MSI2: variants seen among roughly 807,000 people sequenced by gnomAD.
MSI2 encodes the protein musashi RNA binding protein 2.
In MSI2, 17 loss-of-function variants were observed where a neutral mutation model predicts 45.6. The observed-to-expected ratio is 0.37, with a 90% CI of 0.26 to 0.56. The LOEUF (loss-of-function observed/expected upper bound fraction) is 0.56. Ranked by LOEUF, MSI2 falls within the 20% of genes least tolerant of loss-of-function variation. The probability of loss-of-function intolerance (pLI) is 0.77; values close to 1 mark genes in which losing one functional copy is unlikely to be tolerated. For missense variants in MSI2, 293 were observed against 444.2 expected (o/e 0.66, Z 3.06); for synonymous variants, 156 against 158.2 (o/e 0.99, Z 0.11).
At chr17:57,690,176 T>C in the MSI2 span, among the ~76,000 whole-genome samples, 13 of 151,086 alleles carry the variant, frequency 8.6e-5, no homozygotes, top group Admixed American at 1.3e-4. Flanking sequence ...TTAGTCATTC[T>C]AATGAATTTG....
rs375567025 is a variant in MSI2, at chr17:57,401,545, C to T, written c.405+74C>T. On this transcript the variant is annotated intron_variant, in intron 6 of 13. Coordinates refer to ENST00000284073, the MANE Select transcript of MSI2 (RefSeq NM_138962.4). ...AGTCCTAAGAAGAGGCTACCGTGGC[C>T]CCCGCCCCTGCTACAGCTGTGTCCT... 3.4e-6 allele frequency: 4 copies of T among 1,161,734 alleles called. No homozygotes were observed. The African/African-American group carries it at 4.6e-5, about 13-fold the overall frequency. 72.0% of individuals were successfully genotyped at this position (1,161,734 alleles called of 1,614,324 possible).
intron 6 of MSI2, among the ~76,000 whole-genome samples, chr17:57,429,779 AT>A (rs1355520695): frequency 2.6e-5 from 4 of 151,890 alleles, no homozygotes; most frequent in Non-Finnish European, 4.4e-5. Flanking sequence ...AAAAGGGAGA[AT>A]TTCCGGTCTC....
chr17:57,459,664 A>C (rs2085185306), intron 6 of MSI2, among the ~76,000 whole-genome samples: 1 of 152,166 alleles, frequency 6.6e-6, no homozygotes, highest in Non-Finnish European at 1.5e-5. Flanking sequence ...TCATGGCCTC[A>C]TGGTAAGGTA....
chr17:57,413,501 G>A (rs1244200327), intron 6 of MSI2, among the ~76,000 whole-genome samples: 1 of 151,848 alleles, frequency 6.6e-6, no homozygotes, highest in Non-Finnish European at 1.5e-5. Flanking sequence ...TTTCTTTCTC[G>A]AATAATTAAA....
At chr17:57,484,678 G>GCC in intron 6 of MSI2, among the ~76,000 whole-genome samples, 1 of 152,246 alleles carries the variant, frequency 6.6e-6, no homozygotes, top group East Asian at 1.9e-4. Flanking sequence ...TGAGTGCTTG[G>GCC]ACCCTCTGTG....
At chr17:57,412,961 T>C (rs962483617) in intron 6 of MSI2, among the ~76,000 whole-genome samples, 1 of 152,244 alleles carries the variant, frequency 6.6e-6, no homozygotes, top group African/African-American at 2.4e-5. Flanking sequence ...CATAGGGTTG[T>C]CATGAGGATT....
rs767288143 is a variant in MSI2, at chr17:57,556,188, G to A, written c.454+26464G>A. Among the ~76,000 whole-genome samples, 15 of 152,316 alleles carry A rather than the reference G, an allele frequency of 9.8e-5. No homozygotes were observed. The South Asian group carries it at 1.5e-3, about 15-fold the overall frequency. ...TCAGTTTTCTTATTGAATTTGGGAA[G>A]CAATAGCAATTGATTAAGTTGCAGT... is the stretch of plus-strand genomic sequence containing the variant. On this transcript the variant is annotated intron_variant, in intron 7 of 13. Transcript: ENST00000284073.
At chr17:57,297,380 A>G (rs1000437761) in intron 5 of MSI2, among the ~76,000 whole-genome samples, 2 of 152,082 alleles carry the variant, frequency 1.3e-5, no homozygotes, top group Admixed American at 6.5e-5. Context: ...ACTGTAGTCA[A>G]TATTAAGTGT....
intron 6 of MSI2, among the ~76,000 whole-genome samples, chr17:57,489,315 A>G (rs957274045): frequency 6.6e-6 from 1 of 152,214 alleles, no homozygotes; most frequent in Admixed American, 6.5e-5. Flanking sequence ...CTAAAGAGGC[A>G]TGTAGCAGCT....
At chr17:57,501,837 T>C (rs1456672188) in intron 6 of MSI2, among the ~76,000 whole-genome samples, 3 of 152,208 alleles carry the variant, frequency 2.0e-5, no homozygotes, top group Non-Finnish European at 4.4e-5. Flanking sequence ...GATTTAGATT[T>C]TCTGTGTCAG....
At chr17:57,450,269 A>AAGAAAGAGAGAAAGAGAGAAAGAG in intron 6 of MSI2, 1 of 110,834 alleles carries the variant, frequency 9.0e-6, no homozygotes, top group African/African-American at 3.5e-5. Flanking sequence ...GAAAGAAAGA[A>AAGAAAGAGAGAAAGAGAGAAAGAG]AGAAAGAAAG....
At position 57,353,116 on chromosome 17, in the gene MSI2, C is replaced by G. The variant is rs889302368; in HGVS notation, c.313-48263C>G. On this transcript the variant is annotated intron_variant, in intron 5 of 13. Transcript: ENST00000284073. The stretch of plus-strand genomic sequence containing the variant: ...GAATATCAACAGTTCATTGGCCCAT[C>G]TTTCCCCAGATAGCTCCCGAAAATG... Among the ~76,000 whole-genome samples the G allele has an allele frequency of 2.6e-5, 4 of 152,186 alleles. No individual in the cohort carries two copies. The East Asian group carries it at 5.8e-4, about 22-fold the overall frequency.
chr17:57,595,260 G>A (rs1905160056), intron 7 of MSI2, among the ~76,000 whole-genome samples: 1 of 152,122 alleles, frequency 6.6e-6, no homozygotes, highest in Non-Finnish European at 1.5e-5. Context: ...TCATTGACTG[G>A]AAACACAATT....
At chr17:57,352,433 A>G (rs1284560393) in intron 5 of MSI2, among the ~76,000 whole-genome samples, 3 of 152,120 alleles carry the variant, frequency 2.0e-5, no homozygotes, top group Non-Finnish European at 4.4e-5. Flanking sequence ...AGGAAATAGG[A>G]CTCTAAGACC....
chr17:57,653,297 A>G (rs959790581), intron 11 of MSI2, among the ~76,000 whole-genome samples: 7 of 151,978 alleles, frequency 4.6e-5, no homozygotes, highest in Admixed American at 1.3e-4. Flanking sequence ...GAATCATCCC[A>G]TTGGGGTTTT....
intron 6 of MSI2, among the ~76,000 whole-genome samples, chr17:57,473,334 G>T (rs1356714363): frequency 1.3e-5 from 2 of 152,134 alleles, no homozygotes; most frequent in African/African-American, 4.8e-5. Context: ...GTGTGCATAG[G>T]TCCCCCCACA....
At chr17:57,311,905 C>T (rs1308294200) in intron 5 of MSI2, among the ~76,000 whole-genome samples, 1 of 152,140 alleles carries the variant, frequency 6.6e-6, no homozygotes, top group African/African-American at 2.4e-5. Context: ...ATTATTTTGC[C>T]CAGGCTAGTC....
At chr17:57,360,291 C>A (rs1474490242) in intron 5 of MSI2, among the ~76,000 whole-genome samples, 11 of 152,238 alleles carry the variant, frequency 7.2e-5, no homozygotes, top group Admixed American at 7.2e-4. Context: ...TGCCTCACAT[C>A]AGAAAGGGCT....
At chr17:57,274,800 G>A (rs1203083780) in intron 5 of MSI2, among the ~76,000 whole-genome samples, 1 of 152,120 alleles carries the variant, frequency 6.6e-6, no homozygotes, top group African/African-American at 2.4e-5. Context: ...GGACTCAGAG[G>A]GACCTAGTTT....
Sources: allele counts gnomAD v4.1 joint callset (sites outside exome capture counted in the v4.1 genomes callset), GRCh38; gene constraint gnomAD v4.1.1; transcripts MANE v1.5; gene names NCBI Gene and HGNC (gene_info 2026-07-23, HGNC 2026-07-21).